The following INTS2 variants were observed in gnomAD, a reference collection of about 807,000 sequenced individuals.
The protein encoded by INTS2 is integrator complex subunit 2.
Under a neutral mutation model 139.6 loss-of-function variants are expected in INTS2, and 57 were observed. That is an observed-to-expected ratio of 0.41 (90% CI 0.33 to 0.51). INTS2 has a LOEUF of 0.51. Ranked by LOEUF, INTS2 falls within the 20% of genes least tolerant of loss-of-function variation. INTS2 has a pLI of 0.28. For missense variants in INTS2, 1,196 were observed against 1,436.7 expected (o/e 0.83, Z 2.71); for synonymous variants, 473 against 493.4 (o/e 0.96, Z 0.55).
intron 18 of INTS2, 127 bp downstream of exon 18, chr17:61,877,760 T>C (rs2079138181): frequency 6.2e-6 from 4 of 641,976 alleles, no homozygotes; most frequent in African/African-American, 5.5e-5. Context: ...AAAGGAGATA[T>C]ATTGTCATAT....
At chr17:61,874,074 C>T (rs1232627537) in intron 19 of INTS2, 3 of 152,294 alleles carry the variant, frequency 2.0e-5, no homozygotes, top group South Asian at 4.1e-4. Context: ...CCTATGTCCA[C>T]TCTTCTTTTT....
chr17:61,921,060 C>T (rs889290220), intron 4 of INTS2, among the ~76,000 whole-genome samples: 3 of 152,222 alleles, frequency 2.0e-5, no homozygotes, highest in South Asian at 2.1e-4. Flanking sequence ...GCTGGGATTA[C>T]AGGCATGAGC....
Position 61,893,707 on chromosome 17 carries a change from AT to A in INTS2, c.1698+57del. ...AAGACTCCATCTCAAAAGAAAAAAAATATATATATAAAAATGTAGGGGCATG... is the reference window on the plus strand; with the variant it reads ...AAGACTCCATCTCAAAAGAAAAAAAAATATATATAAAAATGTAGGGGCATG... On this transcript the variant is annotated intron_variant, in intron 13 of 24. Transcript: ENST00000251334. This position sits in a 1 kb window ranked among gnomAD's most constrained non-coding sequence, Gnocchi z 5.4. 7.7e-7 allele frequency: 1 copy of A among 1,290,464 alleles called. No homozygotes were observed. The highest frequency in any genetic ancestry group is 1.0e-6 in the Non-Finnish European group (1 of 986,156). The allele number at this position is 1,290,464 out of a possible 1,614,324, so 79.9% of individuals were successfully genotyped here.
chr17:61,921,637 A>T (rs1474876320), intron 4 of INTS2, 88 bp downstream of exon 4: 2 of 601,814 alleles, frequency 3.3e-6, no homozygotes, highest in Non-Finnish European at 5.6e-6. Context: ...GATCCCTAAA[A>T]TAACACAGCA....
At chr17:61,895,256 T>C in intron 12 of INTS2, 59 bp downstream of exon 12, 2 of 947,640 alleles carry the variant, frequency 2.1e-6, no homozygotes, top group Non-Finnish European at 3.2e-6. Flanking sequence ...ACACAAGTTT[T>C]CTCCCAAAGA....
chr17:61,917,159 A>G (rs2079591315), intron 5 of INTS2, among the ~76,000 whole-genome samples: 1 of 152,188 alleles, frequency 6.6e-6, no homozygotes, highest in Admixed American at 6.5e-5. Context: ...GGCTGTGGAG[A>G]AAAGAGAACA....
In INTS2 at chr17:61,873,839, G is replaced by A. The variant is rs2079107656; in HGVS notation, c.2582+1074C>T. 6.6e-6 allele frequency among the ~76,000 whole-genome samples: 1 copy of A among 152,054 alleles called. No homozygotes were observed. Among genetic ancestry groups the A allele is most frequent in the Admixed American group, 6.6e-5 (1 of 15,246 alleles). On this transcript the variant is annotated intron_variant, in intron 19 of 24. Coordinates refer to ENST00000251334, the MANE Select transcript of INTS2 (RefSeq NM_001351695.2). The surrounding 1 kb of genome is among the most constrained non-coding windows in gnomAD (Gnocchi z 4.0). Reference sequence around the variant, plus strand: ...CCTAGCACAAAGCATCTTTTCCTAAGTTATAACCCCAACCACATTAGCCTA... The same window carrying A: ...CCTAGCACAAAGCATCTTTTCCTAAATTATAACCCCAACCACATTAGCCTA...
At position 61,904,578 on chromosome 17, in the gene INTS2, C is replaced by T; in HGVS notation, c.1189G>A (p.Glu397Lys). The T allele has an allele frequency of 1.2e-6, 2 of 1,609,690 alleles. No homozygotes were observed. The highest frequency in any genetic ancestry group is 1.7e-6 in the Non-Finnish European group (2 of 1,178,428). ...LMGIAGLKPT[E>K]EEAEQLLQLM... is the part of the protein sequence containing the mutation. ...TGCAGTAATTGCTCAGCTTCTTCTT[C>T]AGTTGGTCTAAAAAGGAATACATCA... The change falls in exon 9 of 25, where the codon GAA becomes AAA. Residue 397 changes from glutamate to lysine, a missense_variant. Physicochemically the swap from Glu to Lys is moderately conservative, Grantham distance 56. Coordinates refer to ENST00000251334, the MANE Select transcript of INTS2 (RefSeq NM_001351695.2).
At chr17:61,919,643 C>G in intron 4 of INTS2, 130 bp from the exon 5 acceptor site, 1 of 594,964 alleles carries the variant, frequency 1.7e-6, no homozygotes, top group Non-Finnish European at 3.0e-6. Flanking sequence ...ACTTTGGCCT[C>G]AAGTGATCCT....
At position 61,869,348 on chromosome 17, in the gene INTS2, G is replaced by T; in HGVS notation, c.3063C>A (p.Val1021=). ...AGATGTGCATAGATGGAATACCTGCGACCGTCAGAGGCAAAAGTTCACATG... is the reference window on the plus strand; with the variant it reads ...AGATGTGCATAGATGGAATACCTGCTACCGTCAGAGGCAAAAGTTCACATG... ...GYPCELLPLT[V]AGIPSMHICL... The change falls in exon 22 of 25, where the codon GTC becomes GTA. Residue 1021 remains valine, a synonymous_variant. Coordinates refer to ENST00000251334, the MANE Select transcript of INTS2 (RefSeq NM_001351695.2). The surrounding 1 kb of genome is among the most constrained non-coding windows in gnomAD (Gnocchi z 5.4). 1 of 1,606,062 alleles carries T rather than the reference G, an allele frequency of 6.2e-7. No individual in the cohort carries two copies. The highest frequency in any genetic ancestry group is 1.1e-5 in the South Asian group (1 of 89,410).
chr17:61,897,652 A>T lies in INTS2; in HGVS notation c.1379+16T>A. On this transcript the variant is annotated intron_variant, in intron 10 of 24. Transcript: ENST00000251334. The surrounding 1 kb of genome is among the most constrained non-coding windows in gnomAD (Gnocchi z 4.4). ...GAAGAAAAGCTTTCTCAACTAACTAAATCAAATTATCTTACCTCTCAAAAT... is the reference window on the plus strand; with the variant it reads ...GAAGAAAAGCTTTCTCAACTAACTATATCAAATTATCTTACCTCTCAAAAT... 6.3e-7 allele frequency: 1 copy of T among 1,594,280 alleles called. No homozygotes were observed. The highest frequency in any genetic ancestry group is 8.6e-7 in the Non-Finnish European group (1 of 1,168,568).
intron 15 of INTS2, among the ~76,000 whole-genome samples, chr17:61,888,776 G>A (rs1374199048): frequency 6.6e-6 from 1 of 152,148 alleles, no homozygotes; most frequent in African/African-American, 2.4e-5. Flanking sequence ...TGTAATCCCA[G>A]CACTTTGGGA....
chr17:61,922,224 A>C (rs2079648883), intron 3 of INTS2, among the ~76,000 whole-genome samples: 1 of 152,096 alleles, frequency 6.6e-6, no homozygotes, highest in Admixed American at 6.6e-5. Context: ...TAATCCCAGC[A>C]CTTTGGAAGG....
intron 16 of INTS2, among the ~76,000 whole-genome samples, chr17:61,884,538 T>C (rs572480246): frequency 4.6e-5 from 7 of 152,108 alleles, no homozygotes; most frequent in African/African-American, 1.7e-4. Context: ...TGTACAATAC[T>C]ATTCAGAGTT....
intron 5 of INTS2, among the ~76,000 whole-genome samples, chr17:61,915,346 AAAT>A (rs1376168000): frequency 1.9e-5 from 2 of 105,126 alleles, no homozygotes; most frequent in East Asian, 8.8e-4. Flanking sequence ...TCAAAAAAAT[AAAT>A]AAATAAATAA....
chr17:61,920,306 C>T (rs967143062), intron 4 of INTS2, among the ~76,000 whole-genome samples: 1 of 151,702 alleles, frequency 6.6e-6, no homozygotes, highest in South Asian at 2.1e-4. Flanking sequence ...CTCAGCCGCC[C>T]GAATACCTGG....
In INTS2 at chr17:61,871,560, C is replaced by G. The variant is rs1022622276; in HGVS notation, c.2778+705G>C. Among the ~76,000 whole-genome samples, 1 of 152,172 alleles carries G rather than the reference C, an allele frequency of 6.6e-6. No homozygotes were observed. The highest frequency in any genetic ancestry group is 1.5e-5 in the Non-Finnish European group (1 of 68,032). Reference sequence around the variant, plus strand: ...ACATTTGATCTTAAGAAACAAATAACTAAGGATTTTGTCTTCTTCACCACT... The same window carrying G: ...ACATTTGATCTTAAGAAACAAATAAGTAAGGATTTTGTCTTCTTCACCACT... On this transcript the variant is annotated intron_variant, in intron 20 of 24. Transcript: ENST00000251334. This position sits in a 1 kb window ranked among gnomAD's most constrained non-coding sequence, Gnocchi z 4.9.
At chr17:61,887,805 C>A (rs1394302153) in intron 15 of INTS2, among the ~76,000 whole-genome samples, 1 of 152,060 alleles carries the variant, frequency 6.6e-6, no homozygotes, top group Non-Finnish European at 1.5e-5. Context: ...GTAATCCCAG[C>A]ACTTTGAGAG....
intron 4 of INTS2, among the ~76,000 whole-genome samples, chr17:61,921,513 T>C (rs2079640616): frequency 6.6e-6 from 1 of 152,250 alleles, no homozygotes; most frequent in Admixed American, 6.5e-5. Context: ...AAATCAAAGA[T>C]ACCATGTTAA....
Sources: gnomAD v4.1 joint callset for allele counts (sites outside exome capture counted in the v4.1 genomes callset) on GRCh38, gnomAD v4.1.1 for gene constraint, Gnocchi (gnomAD v3.1) non-coding constraint, MANE v1.5 for transcripts, NCBI Gene and HGNC (gene_info 2026-07-23, HGNC 2026-07-21) for gene names.